The following HMGCLL1 variants were observed in gnomAD, a reference collection of about 807,000 sequenced individuals.
The protein encoded by HMGCLL1 is 3-hydroxy-3-methylglutaryl-CoA lyase like 1, also known as 3-hydroxymethyl-3-methylglutaryl-CoA lyase, cytoplasmic.
In HMGCLL1, 36 loss-of-function variants were observed where a neutral mutation model predicts 39.1. The ratio of observed to expected loss-of-function variants is 0.92; its 90% CI spans 0.71 to 1.22. HMGCLL1 has a LOEUF of 1.22. Among genes scored for constraint, HMGCLL1 ranks in the 50% most tolerant of loss-of-function variants. The pLI is 0.00. For missense variants in HMGCLL1, 451 were observed against 416.5 expected, an observed-to-expected ratio of 1.08 and a Z score of -0.72; for synonymous variants, 149 against 144.0, an observed-to-expected ratio of 1.03 and a Z score of -0.25.
intron 1 of HMGCLL1, among the ~76,000 whole-genome samples, 193 bp downstream of exon 1, chr6:55,578,755 C>A (rs926967958): frequency 6.6e-6 from 1 of 152,164 alleles, no homozygotes; most frequent in East Asian, 1.9e-4. Flanking sequence ...AGAGGCGGGT[C>A]GATACATTCA....
chr6:55,554,705 G>A lies in HMGCLL1; in HGVS notation c.109-12565C>T, dbSNP rs1416884932. ...TAGAGGAAGCTATGCCAATACACAGGACCCCTTTAGGCACCATGGCCAGGG... is the reference window on the plus strand; with the variant it reads ...TAGAGGAAGCTATGCCAATACACAGAACCCCTTTAGGCACCATGGCCAGGG... On this transcript the variant is annotated intron_variant, in intron 1 of 8. Coordinates refer to ENST00000274901, the MANE Select transcript of HMGCLL1 (RefSeq NM_001042406.2). Among the ~76,000 whole-genome samples the A allele has an allele frequency of 3.3e-5, 5 of 152,052 alleles. No homozygotes were observed. In the East Asian group the frequency reaches 9.7e-4, roughly 30 times the overall value.
chr6:55,505,524 T>C (rs1020644460), intron 5 of HMGCLL1, among the ~76,000 whole-genome samples: 1 of 151,662 alleles, frequency 6.6e-6, no homozygotes. Context: ...TTTATTATTG[T>C]GGATAACATA....
At position 55,495,583 on chromosome 6, in the gene HMGCLL1, C is replaced by T; in HGVS notation, c.631G>A (p.Gly211Ser). ...TEVSKRLYGM[G>S]CYEISLGDTI... ...TCTCCTAGAGAGATCTCATAACAACCCATGCCGTACAATCTCTTAGACACC... is the reference window on the plus strand; with the variant it reads ...TCTCCTAGAGAGATCTCATAACAACTCATGCCGTACAATCTCTTAGACACC... The change falls in exon 7 of 9, where the codon GGT becomes AGT. Residue 211 changes from glycine (G) to serine (S), a missense_variant. Coordinates refer to ENST00000274901, the MANE Select transcript of HMGCLL1 (RefSeq NM_001042406.2). The T allele has an allele frequency of 6.2e-7, 1 of 1,610,696 alleles. No homozygotes were observed. The highest frequency in any genetic ancestry group is 8.5e-7 in the Non-Finnish European group (1 of 1,178,456).
the HMGCLL1 span, among the ~76,000 whole-genome samples, chr6:55,640,768 A>G: frequency 6.6e-6 from 1 of 151,500 alleles, no homozygotes; most frequent in Admixed American, 6.6e-5. Context: ...TATTTTATGT[A>G]TTATATATAC....
intron 7 of HMGCLL1, among the ~76,000 whole-genome samples, chr6:55,452,279 G>C (rs1764131111): frequency 6.6e-6 from 1 of 152,168 alleles, no homozygotes; most frequent in Admixed American, 6.5e-5. Flanking sequence ...GCAGCTGATT[G>C]GACTTAAATT....
the HMGCLL1 span, among the ~76,000 whole-genome samples, chr6:55,589,100 GA>G: frequency 6.6e-6 from 1 of 151,688 alleles, no homozygotes; most frequent in Admixed American, 6.6e-5. Flanking sequence ...GAGACACAAT[GA>G]AAAAAGAGAA....
At chr6:55,477,563 A>C (rs1363768672) in intron 7 of HMGCLL1, among the ~76,000 whole-genome samples, 1 of 132,432 alleles carries the variant, frequency 7.6e-6, no homozygotes, top group Non-Finnish European at 1.6e-5. Flanking sequence ...GACCAAAAAA[A>C]CCCACAAAAA....
At chr6:55,636,418 T>A in the HMGCLL1 span, among the ~76,000 whole-genome samples, 5 of 152,166 alleles carry the variant, frequency 3.3e-5, no homozygotes, top group African/African-American at 4.8e-5. Flanking sequence ...AGGGTCTAAG[T>A]TTCCTGGCTA....
Position 55,434,723 on chromosome 6 carries a change from C to CA in HMGCLL1, c.*938dup, listed in dbSNP as rs1763302480. On this transcript the variant is annotated 3_prime_UTR_variant, in exon 9 of 9. Coordinates refer to ENST00000274901, the MANE Select transcript of HMGCLL1 (RefSeq NM_001042406.2). ...CTAAAATAACCACTAAAAAATACAC[C>CA]AAAAAATAATGTGGGTAAGCAAAGC... The CA allele has an allele frequency of 6.6e-6, 1 of 151,806 alleles. No homozygotes were observed. The highest frequency in any genetic ancestry group is 2.4e-5 in the African/African-American group (1 of 41,354). The allele number at this position is 151,806 out of a possible 1,614,324, so 9.4% of individuals were successfully genotyped here. A position where few individuals can be genotyped will look rare whatever the true frequency, so the allele number is the denominator to read the frequency against.
At chr6:55,525,677 G>A (rs186423490) in intron 3 of HMGCLL1, among the ~76,000 whole-genome samples, 81 of 151,994 alleles carry the variant, frequency 5.3e-4, no homozygotes, top group Admixed American at 1.2e-3. Context: ...AGAATGATCT[G>A]GGACGACTTT....
At chr6:55,586,910 C>T in the HMGCLL1 span, among the ~76,000 whole-genome samples, 1 of 152,054 alleles carries the variant, frequency 6.6e-6, no homozygotes, top group Non-Finnish European at 1.5e-5. Flanking sequence ...GGTATATACT[C>T]AGTACTGGCA....
At position 55,577,132 on chromosome 6, in the gene HMGCLL1, G is replaced by A. The variant is rs371608600; in HGVS notation, c.108+1816C>T. ...AGGAGACTGAGAAGCCAGAGACATC[G>A]GGCTGAAAGCAGTGAAGGTTTGTTA... On this transcript the variant is annotated intron_variant, in intron 1 of 8. Coordinates refer to ENST00000274901, the MANE Select transcript of HMGCLL1 (RefSeq NM_001042406.2). 47 of 1,608,742 alleles carry A rather than the reference G, an allele frequency of 2.9e-5. 1 individual carries two copies. In the African/African-American group the frequency reaches 5.1e-4, roughly 17 times the overall value.
At chr6:55,492,685 G>A (rs2127421523) in intron 7 of HMGCLL1, among the ~76,000 whole-genome samples, 1 of 152,208 alleles carries the variant, frequency 6.6e-6, no homozygotes, top group Non-Finnish European at 1.5e-5. Context: ...AGCTTCTCCG[G>A]CCTCATATCA....
the HMGCLL1 span, among the ~76,000 whole-genome samples, chr6:55,588,646 G>C: frequency 1.3e-3 from 195 of 152,002 alleles, no homozygotes; most frequent in African/African-American, 4.5e-3. Flanking sequence ...CAACAAAATT[G>C]ATAGACCGCT....
At chr6:55,665,532 C>T in the HMGCLL1 span, among the ~76,000 whole-genome samples, 1 of 151,636 alleles carries the variant, frequency 6.6e-6, no homozygotes, top group Non-Finnish European at 1.5e-5. Flanking sequence ...AAGTGGTACT[C>T]CCTCTCTTGG....
chr6:55,608,488 G>GA, the HMGCLL1 span, among the ~76,000 whole-genome samples: 13 of 150,978 alleles, frequency 8.6e-5, no homozygotes, highest in East Asian at 1.9e-4. Context: ...AGAATTTAGG[G>GA]AAAAAAAACA....
the HMGCLL1 span, among the ~76,000 whole-genome samples, chr6:55,588,008 T>C: frequency 6.6e-6 from 1 of 151,952 alleles, no homozygotes; most frequent in Non-Finnish European, 1.5e-5. Flanking sequence ...GACAGAAAGT[T>C]AACAAGGATA....
At chr6:55,636,377 A>T in the HMGCLL1 span, among the ~76,000 whole-genome samples, 619 of 152,252 alleles carry the variant, frequency 4.1e-3, no homozygotes, top group Non-Finnish European at 5.5e-3. Flanking sequence ...AATGAGTAAA[A>T]TGTACAGTAA....
At chr6:55,504,434 T>C (rs2127430238) in intron 5 of HMGCLL1, among the ~76,000 whole-genome samples, 1 of 151,848 alleles carries the variant, frequency 6.6e-6, no homozygotes, top group South Asian at 2.1e-4. Context: ...ATTATTTTCA[T>C]ACATATTTTA....
Sources: gnomAD v4.1 joint callset for allele counts (sites outside exome capture counted in the v4.1 genomes callset) on GRCh38, gnomAD v4.1.1 for gene constraint, MANE v1.5 for transcripts, NCBI Gene and HGNC (gene_info 2026-07-23, HGNC 2026-07-21) for gene names.